Variants in WWOX observed in about 807,000 individuals in gnomAD.
The protein encoded by WWOX is WW domain containing oxidoreductase.
In WWOX, 69 loss-of-function variants were observed where a neutral mutation model predicts 46.2. The observed-to-expected ratio is 1.49, with a 90% CI of 1.23 to 1.82. The LOEUF is 1.82. Among genes scored for constraint, WWOX ranks in the 40% most tolerant of loss-of-function variants. The pLI, the probability that WWOX is intolerant of heterozygous loss-of-function variation, is 0.00. For synonymous variants in WWOX, 359 were observed against 202.6 expected, an observed-to-expected ratio of 1.77 and a Z score of -6.56; for missense variants, 919 against 542.6, an observed-to-expected ratio of 1.69 and a Z score of -6.89.
intron 8 of WWOX, among the ~76,000 whole-genome samples, chr16:78,721,897 A>G (rs1298251292): frequency 1.3e-5 from 2 of 152,232 alleles, no homozygotes; most frequent in Admixed American, 6.5e-5. Flanking sequence ...AATTGTCGAT[A>G]ATGTCACAAT....
intron 8 of WWOX, among the ~76,000 whole-genome samples, chr16:78,937,001 C>A (rs1299085763): frequency 6.6e-6 from 1 of 152,104 alleles, no homozygotes; most frequent in Non-Finnish European, 1.5e-5. Flanking sequence ...GGAATACGGT[C>A]ATATACTGTT....
chr16:78,561,283 A>G (rs2044428758), intron 8 of WWOX, among the ~76,000 whole-genome samples: 1 of 152,006 alleles, frequency 6.6e-6, no homozygotes, highest in African/African-American at 2.4e-5. Context: ...CTTGACTTTG[A>G]TGTCTAGGTC....
chr16:78,596,224 T>C (rs1402179238), intron 8 of WWOX, among the ~76,000 whole-genome samples: 1 of 152,236 alleles, frequency 6.6e-6, no homozygotes, highest in Non-Finnish European at 1.5e-5. Flanking sequence ...CCTGTATGGT[T>C]GGATACTTTG....
At chr16:78,245,289 C>G (rs566126800) in intron 5 of WWOX, among the ~76,000 whole-genome samples, 2 of 152,312 alleles carry the variant, frequency 1.3e-5, no homozygotes, top group South Asian at 4.1e-4. Flanking sequence ...CTCCTTCTAA[C>G]TGTATTTTTA....
intron 8 of WWOX, among the ~76,000 whole-genome samples, chr16:78,505,529 A>T (rs1026994603): frequency 1.3e-5 from 2 of 152,140 alleles, no homozygotes; most frequent in Non-Finnish European, 2.9e-5. Context: ...AGCACTGGAT[A>T]CCTAGACTCT....
chr16:78,862,782 G>A (rs1158548305), intron 8 of WWOX, among the ~76,000 whole-genome samples: 1 of 152,036 alleles, frequency 6.6e-6, no homozygotes, highest in Non-Finnish European at 1.5e-5. Context: ...CAGATTGTAT[G>A]AAGCCACCCA....
chr16:78,866,323 T>C (rs1237835226), intron 8 of WWOX, among the ~76,000 whole-genome samples: 1 of 152,134 alleles, frequency 6.6e-6, no homozygotes, highest in Non-Finnish European at 1.5e-5. Flanking sequence ...CATTTCACTC[T>C]TTCTCCCTCT....
chr16:78,530,634 A>C (rs759962128), intron 8 of WWOX, among the ~76,000 whole-genome samples: 13 of 152,146 alleles, frequency 8.5e-5, no homozygotes, highest in Non-Finnish European at 1.6e-4. Context: ...ATTTGAGTGG[A>C]AAAACAGGGA....
intron 8 of WWOX, among the ~76,000 whole-genome samples, chr16:78,793,182 C>G (rs2050651423): frequency 6.6e-6 from 1 of 152,156 alleles, no homozygotes; most frequent in Admixed American, 6.5e-5. Flanking sequence ...AAGTGATCTT[C>G]ACACCTCAGC....
chr16:78,728,055 CTTTTT>C (rs758484198), intron 8 of WWOX, among the ~76,000 whole-genome samples: 10 of 86,782 alleles, frequency 1.2e-4, no homozygotes, highest in South Asian at 4.2e-4. Context: ...TCCCTCCTTC[CTTTTT>C]TTTTTTTTTT....
Position 78,470,661 on chromosome 16 carries a change from C to T in WWOX, c.1056+37909C>T, listed in dbSNP as rs143979805. ...TCTCCTGCCTCAGCCTCCCAAGTAGCTGGGATTACAGGCACGCCACCACAC... is the reference window on the plus strand; with the variant it reads ...TCTCCTGCCTCAGCCTCCCAAGTAGTTGGGATTACAGGCACGCCACCACAC... On this transcript the variant is annotated intron_variant, in intron 8 of 8. Transcript: ENST00000566780. Among the ~76,000 whole-genome samples, 592 of 152,284 alleles carry T rather than the reference C, an allele frequency of 3.9e-3. 2 individuals are homozygous for T. The highest frequency in any genetic ancestry group is 0.014 in the African/African-American group (563 of 41,560).
Position 79,191,146 on chromosome 16 carries a change from C to T in WWOX, c.1057-20462C>T, listed in dbSNP as rs188654538. Among the ~76,000 whole-genome samples, 978 of 152,232 alleles carry T rather than the reference C, an allele frequency of 6.4e-3. 9 individuals carry two copies. Among genetic ancestry groups the T allele is most frequent in the South Asian group, 0.011 (54 of 4,828 alleles). ...TTGGCTCAGTGCAGCCTCCGCCTCT[C>T]GGGTTCAAGCGATTCTTCTGCCTCA... On this transcript the variant is annotated intron_variant, in intron 8 of 8. Transcript: ENST00000566780.
chr16:79,149,093 C>T (rs1484219493), intron 8 of WWOX, among the ~76,000 whole-genome samples: 1 of 152,114 alleles, frequency 6.6e-6, no homozygotes, highest in East Asian at 1.9e-4. Flanking sequence ...GTGAGAACAT[C>T]CTTGCCTTGC....
chr16:78,919,369 T>C (rs2045324059), intron 8 of WWOX, among the ~76,000 whole-genome samples: 1 of 152,002 alleles, frequency 6.6e-6, no homozygotes. Flanking sequence ...ATCCAGGCAG[T>C]TGAGTCTAGA....
At chr16:79,153,585 A>G (rs149316076) in intron 8 of WWOX, among the ~76,000 whole-genome samples, 156 of 152,300 alleles carry the variant, frequency 1.0e-3, no homozygotes, top group African/African-American at 3.3e-3. Flanking sequence ...CCTGCACACA[A>G]TCAGTTGCCT....
chr16:78,111,093 C>A (rs1010715342), intron 3 of WWOX, among the ~76,000 whole-genome samples: 1 of 151,958 alleles, frequency 6.6e-6, no homozygotes, highest in Non-Finnish European at 1.5e-5. Flanking sequence ...CGGGCCAGCC[C>A]TCCTCTGAGT....
In WWOX at chr16:78,432,544, C is replaced by CA. The variant is rs1394607357; in HGVS notation, c.854dup (p.Asn285LysfsTer10). ...CTGGACTTCAGTCGCCTCTCTCCAA[C>CA]AAAAAACGACTATTGGGCGATGCTG... On this transcript the variant is annotated frameshift_variant, in exon 8 of 9. Coordinates refer to ENST00000566780, the MANE Select transcript of WWOX (RefSeq NM_016373.4). LOFTEE classifies it high-confidence loss of function. 3.1e-6 allele frequency: 5 copies of CA among 1,613,972 alleles called. No individual in the cohort carries two copies. The highest frequency in any genetic ancestry group is 2.2e-5 in the East Asian group (1 of 44,856).
chr16:78,548,016 G>A (rs969221541), intron 8 of WWOX, among the ~76,000 whole-genome samples: 4 of 151,956 alleles, frequency 2.6e-5, no homozygotes, highest in African/African-American at 9.7e-5. Context: ...TTAGCCGGGT[G>A]TGGTGGTGAA....
intron 8 of WWOX, among the ~76,000 whole-genome samples, chr16:78,534,087 G>A (rs931507727): frequency 6.6e-6 from 1 of 152,126 alleles, no homozygotes; most frequent in Non-Finnish European, 1.5e-5. Flanking sequence ...ATAAATATTA[G>A]AATCATTGAA....
Sources: gnomAD v4.1 joint callset for allele counts (sites outside exome capture counted in the v4.1 genomes callset) on GRCh38, gnomAD v4.1.1 for gene constraint, MANE v1.5 for transcripts, NCBI Gene and HGNC (gene_info 2026-07-23, HGNC 2026-07-21) for gene names.